The following LOC400499 variants were observed in gnomAD, a reference collection of about 807,000 sequenced individuals.
At chr16:11,414,489 C>T in the LOC400499 span, 61 of 400,080 alleles carry the variant, frequency 1.5e-4, no homozygotes, top group African/African-American at 1.1e-3. Context: ...GGAGGGCCAC[C>T]CTGGCCTGGG....
the LOC400499 span, among the ~76,000 whole-genome samples, chr16:11,400,254 C>G: frequency 6.6e-6 from 1 of 152,094 alleles, no homozygotes; most frequent in African/African-American, 2.4e-5. Context: ...CCAAAGCACC[C>G]GGCTCATTCC....
the LOC400499 span, chr16:11,398,208 C>T: frequency 1.6e-6 from 1 of 631,542 alleles, no homozygotes; most frequent in Non-Finnish European, 2.3e-6. Flanking sequence ...AGTCACCCAG[C>T]AGGCAAATGG....
At chr16:11,489,964 C>T in the LOC400499 span, among the ~76,000 whole-genome samples, 1 of 152,188 alleles carries the variant, frequency 6.6e-6, no homozygotes, top group Admixed American at 6.5e-5. Context: ...AGACCAGAAA[C>T]AGCCTAAAGG....
the LOC400499 span, among the ~76,000 whole-genome samples, chr16:11,437,972 G>T: frequency 1.3e-5 from 2 of 152,154 alleles, no homozygotes; most frequent in Non-Finnish European, 2.9e-5. Flanking sequence ...GGGATCGATC[G>T]CATGCGCTCT....
chr16:11,377,493 T>C, the LOC400499 span, among the ~76,000 whole-genome samples: 70,386 of 152,080 alleles, frequency 0.46, 16,875 homozygotes, highest in Non-Finnish European at 0.54. Flanking sequence ...ATTTCTATTT[T>C]GAGTCTGTAT....
the LOC400499 span, among the ~76,000 whole-genome samples, chr16:11,419,070 G>T: frequency 6.6e-6 from 1 of 152,142 alleles, no homozygotes; most frequent in Admixed American, 6.5e-5. Context: ...GGAGGCTGAA[G>T]CGGTGGAATC....
chr16:11,462,419 C>A, the LOC400499 span: 3 of 1,301,526 alleles, frequency 2.3e-6, no homozygotes, highest in Non-Finnish European at 2.9e-6. Flanking sequence ...CCTTCTACAC[C>A]GATCCTTACC....
At chr16:11,483,722 A>C in the LOC400499 span, among the ~76,000 whole-genome samples, 5 of 151,544 alleles carry the variant, frequency 3.3e-5, no homozygotes, top group Non-Finnish European at 4.4e-5. Context: ...AAAAAAAAAA[A>C]AAACTAGATA....
At chr16:11,446,348 G>C in the LOC400499 span, among the ~76,000 whole-genome samples, 1 of 151,890 alleles carries the variant, frequency 6.6e-6, no homozygotes, top group African/African-American at 2.4e-5. Flanking sequence ...TGTAGAAACA[G>C]GGTTTCCATA....
At chr16:11,427,865 A>C in the LOC400499 span, among the ~76,000 whole-genome samples, 8 of 152,190 alleles carry the variant, frequency 5.3e-5, no homozygotes, top group Non-Finnish European at 8.8e-5. Context: ...TGTGTATTAT[A>C]ATCTATTTGG....
At chr16:11,424,437 G>C in the LOC400499 span, 131 of 398,842 alleles carry the variant, frequency 3.3e-4, no homozygotes, top group African/African-American at 2.4e-3. Context: ...AACATGACGG[G>C]GGCCTGGCCA....
the LOC400499 span, among the ~76,000 whole-genome samples, chr16:11,457,426 T>C: frequency 7.2e-4 from 110 of 151,914 alleles, no homozygotes; most frequent in Non-Finnish European, 1.0e-3. Flanking sequence ...ACCCCGTCTT[T>C]ACTAAAAATA....
At chr16:11,444,495 C>T in the LOC400499 span, among the ~76,000 whole-genome samples, 4 of 152,196 alleles carry the variant, frequency 2.6e-5, no homozygotes, top group South Asian at 2.1e-4. Flanking sequence ...GACACAGCCA[C>T]GCCCGTTCAT....
At chr16:11,515,293 G>C in the LOC400499 span, among the ~76,000 whole-genome samples, 3 of 149,110 alleles carry the variant, frequency 2.0e-5, no homozygotes, top group African/African-American at 7.4e-5. Context: ...TAAAAATCCA[G>C]AAAAAAAAAA....
the LOC400499 span, among the ~76,000 whole-genome samples, chr16:11,524,109 C>T: frequency 2.8e-4 from 14 of 50,882 alleles, no homozygotes; most frequent in African/African-American, 1.2e-3. Context: ...TCCATCCACG[C>T]ATCACTTCCA....
At chr16:11,431,637 C>T in the LOC400499 span, among the ~76,000 whole-genome samples, 1 of 152,180 alleles carries the variant, frequency 6.6e-6, no homozygotes, top group South Asian at 2.1e-4. Flanking sequence ...AACTCCTGAC[C>T]TCAGGTGATC....
At chr16:11,441,063 T>C in the LOC400499 span, 1 of 399,064 alleles carries the variant, frequency 2.5e-6, no homozygotes, top group Non-Finnish European at 4.4e-6. Context: ...GGCCTCGACC[T>C]CTCTGTTCTT....
chr16:11,505,440 CTTTTCTTTTTTTTTT>C, the LOC400499 span, among the ~76,000 whole-genome samples: 16 of 75,334 alleles, frequency 2.1e-4, no homozygotes, highest in Admixed American at 2.2e-3. Flanking sequence ...TTTAATTTTT[CTTTTCTTTTTTTTTT>C]TTTTTTTTTT....
At chr16:11,431,934 C>T in the LOC400499 span, among the ~76,000 whole-genome samples, 16 of 152,156 alleles carry the variant, frequency 1.1e-4, no homozygotes, top group Non-Finnish European at 1.5e-4. Context: ...CAAGATTGGG[C>T]CCTAAGATCT....
Sources: allele counts gnomAD v4.1 joint callset (sites outside exome capture counted in the v4.1 genomes callset), GRCh38; gene constraint gnomAD v4.1.1; transcripts MANE v1.5.